Variants in TMEM135 observed in about 807,000 individuals in gnomAD.
TMEM135 encodes the protein transmembrane protein 135.
TMEM135 carries 30 observed loss-of-function variants against 60.3 expected under a neutral mutation model. That is an observed-to-expected ratio of 0.50 (90% CI 0.37 to 0.68). The LOEUF is 0.68. Among genes scored for constraint, TMEM135 ranks in the 30% least tolerant of loss-of-function variants. The pLI, the probability that TMEM135 is intolerant of heterozygous loss-of-function variation, is 0.00. For missense variants in TMEM135, 468 were observed against 548.8 expected, an observed-to-expected ratio of 0.85 and a Z score of 1.47; for synonymous variants, 190 against 186.7, an observed-to-expected ratio of 1.02 and a Z score of -0.14.
chr11:87,324,743 G>A lies in TMEM135; in HGVS notation c.*3410G>A. On this transcript the variant is annotated 3_prime_UTR_variant, in exon 15 of 15. Transcript: ENST00000305494. ...ACGGTACCTAGCCATATTTTTATTT[G>A]TATGAGTATTAAGTAGTTTGACACA... is the stretch of plus-strand genomic sequence containing the variant. 2.2e-6 allele frequency: 1 copy of A among 453,814 alleles called. No individual in the cohort carries two copies. The highest frequency in any genetic ancestry group is 1.6e-5 in the South Asian group (1 of 64,468). The allele number at this position is 453,814 out of a possible 1,614,324, so 28.1% of individuals were successfully genotyped here. A position where few individuals can be genotyped will look rare whatever the true frequency, so the allele number is the denominator to read the frequency against.
intron 4 of TMEM135, among the ~76,000 whole-genome samples, chr11:87,101,763 T>C (rs1031939524): frequency 1.3e-5 from 2 of 152,048 alleles, no homozygotes; most frequent in African/African-American, 4.8e-5. Flanking sequence ...TCACCAGAGG[T>C]TGGGAGTTCG....
chr11:87,281,598 A>G (rs1243205351), intron 6 of TMEM135, among the ~76,000 whole-genome samples: 1 of 152,262 alleles, frequency 6.6e-6, no homozygotes, highest in Non-Finnish European at 1.5e-5. Flanking sequence ...TTGATCTTCA[A>G]CAATTATATA....
chr11:87,242,763 G>C (rs1941168775), intron 6 of TMEM135, among the ~76,000 whole-genome samples: 3 of 140,480 alleles, frequency 2.1e-5, no homozygotes, highest in African/African-American at 7.9e-5. Flanking sequence ...CCCTTTGTCA[G>C]ATGAGTAGGT....
chr11:87,169,557 A>G (rs1196800607), intron 5 of TMEM135, among the ~76,000 whole-genome samples: 2 of 152,008 alleles, frequency 1.3e-5, no homozygotes, highest in Admixed American at 1.3e-4. Context: ...TTTTTCGCTT[A>G]TGAAGCTTAG....
At chr11:87,089,811 C>A (rs572795853) in intron 3 of TMEM135, among the ~76,000 whole-genome samples, 1 of 152,062 alleles carries the variant, frequency 6.6e-6, no homozygotes, top group South Asian at 2.1e-4. Context: ...TTGGTGGGAA[C>A]TAATGGTGAG....
rs781265123 is a variant in TMEM135 at position 87,118,913 on chromosome 11, G to GGC, written c.396+27518_396+27519insGC. Among the ~76,000 whole-genome samples the GGC allele has an allele frequency of 1.7e-3, 262 of 152,254 alleles. 1 individual carries two copies. Among genetic ancestry groups the GGC allele is most frequent in the Non-Finnish European group, 2.7e-3 (183 of 68,020 alleles). On this transcript the variant is annotated intron_variant, in intron 4 of 14. Coordinates refer to ENST00000305494, the MANE Select transcript of TMEM135 (RefSeq NM_022918.4). ...TGAAGAGAGTTAGGGCCTTGCTCTG[G>GGC]ATTAGGTTTTGGTGAAGGGAATGTT...
chr11:87,055,159 G>A (rs1949881763), intron 1 of TMEM135, among the ~76,000 whole-genome samples: 1 of 152,164 alleles, frequency 6.6e-6, no homozygotes, highest in Admixed American at 6.6e-5. Context: ...GGTTTGGGAA[G>A]CCTTTCCTAA....
intron 3 of TMEM135, among the ~76,000 whole-genome samples, chr11:87,090,389 A>T (rs1008427456): frequency 6.6e-5 from 10 of 152,136 alleles, no homozygotes; most frequent in Non-Finnish European, 1.5e-4. Flanking sequence ...TAAAAATCTT[A>T]CTAAACCATT....
chr11:87,294,444 C>T (rs151043852), intron 6 of TMEM135, among the ~76,000 whole-genome samples: 2,886 of 152,204 alleles, frequency 0.019, 98 homozygotes, highest in East Asian at 0.16. Flanking sequence ...AGAGCAATGG[C>T]GCAATCTTGG....
rs769612020 is a variant in TMEM135, at chr11:87,322,458, T to G, written c.*1125T>G. The G allele has an allele frequency of 2.0e-5, 9 of 454,014 alleles. No individual in the cohort carries two copies. The highest frequency in any genetic ancestry group is 1.4e-4 in the South Asian group (9 of 64,478). 28.1% of individuals were successfully genotyped at this position (454,014 alleles called of 1,614,324 possible). A position where few individuals can be genotyped will look rare whatever the true frequency, so the allele number is the denominator to read the frequency against. On this transcript the variant is annotated 3_prime_UTR_variant, in exon 15 of 15. Coordinates refer to ENST00000305494, the MANE Select transcript of TMEM135 (RefSeq NM_022918.4). ...AGGTGACACCATAAAGTCCTGCTGA[T>G]AATGAGAGTAGTTCAGGACAGCTGT...
intron 9 of TMEM135, 83 bp downstream of exon 9, chr11:87,306,088 T>A (rs1272932116): frequency 1.2e-6 from 1 of 860,094 alleles, no homozygotes; most frequent in East Asian, 3.2e-5. Context: ...AATTTAAAAA[T>A]AAATGGAAAA....
At chr11:87,090,229 A>G (rs2512384) in intron 3 of TMEM135, among the ~76,000 whole-genome samples, 61,671 of 151,632 alleles carry the variant, frequency 0.41, 13,644 homozygotes, top group East Asian at 0.65. Flanking sequence ...AATAATTTTT[A>G]TGTTAAAAAA....
intron 12 of TMEM135, among the ~76,000 whole-genome samples, 195 bp downstream of exon 12, chr11:87,314,742 G>C (rs190562034): frequency 1.6e-4 from 24 of 151,918 alleles, no homozygotes; most frequent in African/African-American, 4.1e-4. Flanking sequence ...AGAAAGAGTA[G>C]TGTAATTAAC....
At chr11:87,186,622 G>A (rs1008444488) in intron 5 of TMEM135, among the ~76,000 whole-genome samples, 17 of 152,052 alleles carry the variant, frequency 1.1e-4, no homozygotes, top group African/African-American at 4.1e-4. Flanking sequence ...TATCTTTAAA[G>A]CTGATTAAAA....
intron 4 of TMEM135, among the ~76,000 whole-genome samples, chr11:87,099,131 T>G (rs1435402818): frequency 6.6e-6 from 1 of 152,200 alleles, no homozygotes; most frequent in Non-Finnish European, 1.5e-5. Flanking sequence ...TTTTCTATAG[T>G]AGCACACGCT....
At chr11:87,147,415 GC>G (rs1192940094) in intron 4 of TMEM135, among the ~76,000 whole-genome samples, 7 of 152,252 alleles carry the variant, frequency 4.6e-5, no homozygotes, top group African/African-American at 1.4e-4. Flanking sequence ...GCCCAGTCTG[GC>G]CTCTTAACTC....
At chr11:87,064,096 T>C (rs866263047) in intron 1 of TMEM135, among the ~76,000 whole-genome samples, 7 of 152,182 alleles carry the variant, frequency 4.6e-5, no homozygotes, top group African/African-American at 1.7e-4. Flanking sequence ...ATATGAGAAC[T>C]AATCCTAAAG....
At chr11:87,161,626 C>A (rs1250818188) in intron 5 of TMEM135, among the ~76,000 whole-genome samples, 5 of 152,050 alleles carry the variant, frequency 3.3e-5, no homozygotes, top group African/African-American at 9.7e-5. Context: ...TCAGCTGATA[C>A]CATATATCTT....
chr11:87,221,900 A>G (rs907477442), intron 5 of TMEM135, among the ~76,000 whole-genome samples: 2 of 152,194 alleles, frequency 1.3e-5, no homozygotes, highest in Admixed American at 1.3e-4. Flanking sequence ...TTCAGCCAAT[A>G]TTAAAATTGG....
Sources: allele counts gnomAD v4.1 joint callset (sites outside exome capture counted in the v4.1 genomes callset), GRCh38; gene constraint gnomAD v4.1.1; transcripts MANE v1.5; gene names NCBI Gene and HGNC (gene_info 2026-07-23, HGNC 2026-07-21).